The following HTR3E variants were observed in gnomAD, a reference collection of about 807,000 sequenced individuals.
The protein encoded by HTR3E is 5-hydroxytryptamine (serotonin) receptor 3, family member E.
HTR3E carries 38 observed loss-of-function variants against 38.0 expected under a neutral mutation model. That is an observed-to-expected ratio of 1.00 (90% CI 0.77 to 1.31). The LOEUF (loss-of-function observed/expected upper bound fraction) is 1.31, where lower values mean the gene tolerates loss of function less well. Among genes scored for constraint, HTR3E ranks in the 50% most tolerant of loss-of-function variants. The probability of loss-of-function intolerance (pLI) is 0.00; values close to 1 mark genes in which losing one functional copy is unlikely to be tolerated. For synonymous variants in HTR3E, 210 were observed against 232.9 expected (o/e 0.90, Z 0.89); for missense variants, 547 against 585.2 (o/e 0.93, Z 0.67).
chr3:184,104,541 T>TA lies in HTR3E; in HGVS notation c.390-224dup, dbSNP rs11320996. On this transcript the variant is annotated intron_variant, in intron 4 of 8. Coordinates refer to ENST00000415389, the MANE Select transcript of HTR3E (RefSeq NM_001256613.2). ...GGCAACATGGTGAAACCTCATCTCT[T>TA]AAAAAAAAAAAAAAAAAAAAAATTA... Among the ~76,000 whole-genome samples the TA allele has an allele frequency of 6.7e-3, 797 of 119,226 alleles. 2 individuals are homozygous for TA. Among genetic ancestry groups the TA allele is most frequent in the African/African-American group, 0.017 (523 of 31,624 alleles). 78.2% of individuals were successfully genotyped at this position (119,226 alleles called of 152,430 possible).
At chr3:184,103,801 A>G (rs1306178695) in intron 3 of HTR3E, among the ~76,000 whole-genome samples, 1 of 151,880 alleles carries the variant, frequency 6.6e-6, no homozygotes, top group Non-Finnish European at 1.5e-5. Context: ...CATCTCAGAA[A>G]AAAAAAAGAA....
At chr3:184,099,921 A>G (rs997778601) in intron 1 of HTR3E, among the ~76,000 whole-genome samples, 1 of 152,110 alleles carries the variant, frequency 6.6e-6, no homozygotes, top group Non-Finnish European at 1.5e-5. Flanking sequence ...CTATCGGATG[A>G]CTATCAACAT....
Position 184,106,328 on chromosome 3 carries a change from C to A in HTR3E, c.1126C>A (p.Pro376Thr), listed in dbSNP as rs750368531. Residue 376 changes from proline (P) to threonine (T), a missense_variant, in exon 8 of 9, where the codon CCC becomes ACC. Coordinates refer to ENST00000415389, the MANE Select transcript of HTR3E (RefSeq NM_001256613.2). The surrounding 1 kb of genome is among the most constrained non-coding windows in gnomAD (Gnocchi z 4.1). ...GGAAAATAAGGGCCCGGGTCTCACC[C>A]CCACCCACCTGCCCGGTGAGGGAAG... is the stretch of plus-strand genomic sequence containing the variant. ...QKENKGPGLT[P>T]THLPGVKEPE... 58 of 1,611,750 alleles carry A rather than the reference C, an allele frequency of 3.6e-5. No individual in the cohort carries two copies. The Middle Eastern group carries it at 6.7e-4, about 19-fold the overall frequency.
intron 1 of HTR3E, among the ~76,000 whole-genome samples, chr3:184,099,496 T>C (rs867349308): frequency 2.0e-5 from 3 of 151,846 alleles, no homozygotes; most frequent in Non-Finnish European, 4.4e-5. Context: ...GGGTGGATCA[T>C]GAAGTCAGGA....
chr3:184,105,937 A>T lies in HTR3E; in HGVS notation c.893A>T (p.Asp298Val). 1 of 1,614,080 alleles carries T rather than the reference A, an allele frequency of 6.2e-7. No individual in the cohort carries two copies. Among genetic ancestry groups the T allele is most frequent in the East Asian group, 2.2e-5 (1 of 44,878 alleles). Reference sequence around the variant, plus strand: ...AACGTCTTCCTGCTCATGATGAGTGACTTGCTCCCCACCAGTGGCACCCCC... The same window carrying T: ...AACGTCTTCCTGCTCATGATGAGTGTCTTGCTCCCCACCAGTGGCACCCCC... ...GYNVFLLMMS[D>V]LLPTSGTPLI... is the part of the protein sequence containing the mutation. The change falls in exon 7 of 9, where the codon GAC becomes GTC. Residue 298 changes from aspartate to valine, a missense_variant. Asp to Val is a radical substitution (Grantham distance 152). Transcript: ENST00000415389.
rs1712041420 is a variant in HTR3E at position 184,101,479 on chromosome 3, T to C, written c.235-6T>C. 1 of 1,613,712 alleles carries C rather than the reference T, an allele frequency of 6.2e-7. No individual in the cohort carries two copies. ...ACATGATGGAAATAGGAAATTCTTT[T>C]GGCAGAATGAACAGCTGCACCTCTT... is the stretch of plus-strand genomic sequence containing the variant. On this transcript the variant is annotated splice_region_variant and splice_polypyrimidine_tract_variant and intron_variant, in intron 2 of 8. Transcript: ENST00000415389.
At chr3:184,102,632 A>T (rs1712123333) in intron 3 of HTR3E, among the ~76,000 whole-genome samples, 1 of 151,488 alleles carries the variant, frequency 6.6e-6, no homozygotes, top group African/African-American at 2.4e-5. Flanking sequence ...AAGTATATAA[A>T]AAAAAAAAAA....
chr3:184,102,936 A>G lies in HTR3E; in HGVS notation c.280-1246A>G, dbSNP rs1383973223. ...TGAGACTGCATCTCAAAAAAAAAAA[A>G]GAAAAGAAAACCTTGTTTCTTGGGA... On this transcript the variant is annotated intron_variant, in intron 3 of 8. Coordinates refer to ENST00000415389, the MANE Select transcript of HTR3E (RefSeq NM_001256613.2). Among the ~76,000 whole-genome samples the G allele has an allele frequency of 3.9e-5, 6 of 152,120 alleles. No individual in the cohort carries two copies. The East Asian group carries it at 1.2e-3, about 29-fold the overall frequency.
rs776094089 is a variant in HTR3E at position 184,106,530 on chromosome 3, G to A, written c.1208G>A (p.Gly403Asp). The A allele has an allele frequency of 4.3e-6, 7 of 1,613,516 alleles. No individual in the cohort carries two copies. In the African/African-American group the frequency reaches 5.3e-5, roughly 12 times the overall value. ...CCTGCGGAGGCAGAGCTGACAGGGGGCTCAGAATGGACAAGGGCCCAGCGG... is the reference window on the plus strand; with the variant it reads ...CCTGCGGAGGCAGAGCTGACAGGGGACTCAGAATGGACAAGGGCCCAGCGG... ...PGPAEAELTGGSEWTRAQREH... is the reference protein window; with the variant it reads ...PGPAEAELTGDSEWTRAQREH... Residue 403 changes from glycine (G) to aspartate (D), a missense_variant, in exon 9 of 9, where the codon GGC becomes GAC. Gly to Asp is a moderately conservative substitution (Grantham distance 94). Coordinates refer to ENST00000415389, the MANE Select transcript of HTR3E (RefSeq NM_001256613.2). The surrounding 1 kb of genome is among the most constrained non-coding windows in gnomAD (Gnocchi z 4.1).
Position 184,104,407 on chromosome 3 carries a change from G to A in HTR3E, c.389+116G>A, listed in dbSNP as rs4912523. On this transcript the variant is annotated intron_variant, in intron 4 of 8. Coordinates refer to ENST00000415389, the MANE Select transcript of HTR3E (RefSeq NM_001256613.2). ...TAGATGGCTAAGAAACAACCAGAGA[G>A]ATAAGAAGAGAAACTGAGCCAGGCG... is the stretch of plus-strand genomic sequence containing the variant. The A allele has an allele frequency of 3.6e-3, 5,301 of 1,464,414 alleles. 51 individuals are homozygous for A. The highest frequency in any genetic ancestry group is 0.025 in the Admixed American group (978 of 39,876). The allele number at this position is 1,464,414 out of a possible 1,614,324, so 90.7% of individuals were successfully genotyped here.
intron 1 of HTR3E, among the ~76,000 whole-genome samples, chr3:184,099,842 T>TA (rs1373884664): frequency 6.6e-6 from 1 of 151,828 alleles, no homozygotes; most frequent in African/African-American, 2.4e-5. Context: ...TAAAGTCAAG[T>TA]AAGAAGGAAG....
intron 1 of HTR3E, among the ~76,000 whole-genome samples, chr3:184,098,674 C>G (rs1711792884): frequency 6.6e-6 from 1 of 152,192 alleles, no homozygotes; most frequent in African/African-American, 2.4e-5. Flanking sequence ...AGGTTATCAA[C>G]CATCTCTCTC....
intron 3 of HTR3E, among the ~76,000 whole-genome samples, chr3:184,103,092 T>G (rs1370751691): frequency 6.6e-6 from 1 of 152,180 alleles, no homozygotes; most frequent in East Asian, 1.9e-4. Context: ...CATAACCCAG[T>G]GGAAAATTTA....
intron 1 of HTR3E, among the ~76,000 whole-genome samples, chr3:184,099,395 A>G (rs1577005932): frequency 6.6e-6 from 1 of 150,474 alleles, no homozygotes; most frequent in South Asian, 2.1e-4. Flanking sequence ...GTCTCAAAAA[A>G]CCCCCAAAAA....
intron 4 of HTR3E, 62 bp from the exon 5 acceptor site, chr3:184,104,716 CAAAAAAAAA>C (rs66667882): frequency 2.9e-4 from 241 of 836,960 alleles, no homozygotes; most frequent in South Asian, 5.2e-4. Flanking sequence ...GATCCTGTCT[CAAAAAAAAA>C]AAAAAAAAAA....
intron 6 of HTR3E, 59 bp from the exon 7 acceptor site, chr3:184,105,706 C>A (rs1712382564): frequency 7.2e-7 from 1 of 1,383,826 alleles, no homozygotes; most frequent in East Asian, 2.3e-5. Flanking sequence ...ACTGCTATTC[C>A]TGGATTTGAG....
chr3:184,099,741 G>GACAA (rs1711895927), intron 1 of HTR3E, among the ~76,000 whole-genome samples: 1 of 117,722 alleles, frequency 8.5e-6, no homozygotes, highest in Non-Finnish European at 1.7e-5. Flanking sequence ...AAAAAAAAAA[G>GACAA]AAAGAAATAT....
rs749574411 is a variant in HTR3E at position 184,106,368 on chromosome 3, C to T, written c.1141+25C>T. 22 of 1,589,990 alleles carry T rather than the reference C, an allele frequency of 1.4e-5. No individual in the cohort carries two copies. The Middle Eastern group carries it at 1.3e-3, about 96-fold the overall frequency. The stretch of plus-strand genomic sequence containing the variant: ...GGTGAGGGAAGTCACATTCCTCTTC[C>T]CCCACCTCCACTTCTCTGCTCCTGC... On this transcript the variant is annotated intron_variant, in intron 8 of 8. Transcript: ENST00000415389. This position sits in a 1 kb window ranked among gnomAD's most constrained non-coding sequence, Gnocchi z 4.1.
chr3:184,099,682 CCGCAG>C (rs1711874424), intron 1 of HTR3E, among the ~76,000 whole-genome samples: 3 of 130,804 alleles, frequency 2.3e-5, no homozygotes, highest in Admixed American at 8.5e-5. Context: ...CCACTGCAGT[CCGCAG>C]TCCGGCCTGG....
Sources: gnomAD v4.1 joint callset for allele counts (sites outside exome capture counted in the v4.1 genomes callset) on GRCh38, gnomAD v4.1.1 for gene constraint, Gnocchi (gnomAD v3.1) non-coding constraint, MANE v1.5 for transcripts, NCBI Gene and HGNC (gene_info 2026-07-23, HGNC 2026-07-21) for gene names.